The following CRISP2 variants were observed in gnomAD, a reference collection of about 807,000 sequenced individuals.
CRISP2 encodes the protein cysteine-rich secretory protein 2.
CRISP2 carries 29 observed loss-of-function variants against 31.7 expected under a neutral mutation model. The observed-to-expected ratio is 0.92, with a 90% confidence interval of 0.68 to 1.25. The LOEUF (loss-of-function observed/expected upper bound fraction) is 1.25. Among genes scored for constraint, CRISP2 ranks in the 50% most tolerant of loss-of-function variants. CRISP2 has a pLI of 0.00. For missense variants in CRISP2, 318 were observed against 286.5 expected (o/e 1.11, Z -0.79); for synonymous variants, 111 against 101.4 (o/e 1.09, Z -0.57).
intron 3 of CRISP2, 68 bp from the exon 4 acceptor site, chr6:49,709,273 C>T: frequency 2.3e-6 from 3 of 1,283,320 alleles, no homozygotes; most frequent in Non-Finnish European, 3.3e-6. Flanking sequence ...AGGGGGAATA[C>T]CAATATAATG....
chr6:49,683,542 T>C, the CRISP2 span, among the ~76,000 whole-genome samples: 1 of 149,182 alleles, frequency 6.7e-6, no homozygotes, highest in Admixed American at 6.7e-5. Flanking sequence ...CAGGCGCCTG[T>C]AATCCCAACT....
At chr6:49,698,020 A>C in intron 7 of CRISP2, 63 bp from the exon 8 acceptor site, 1 of 1,296,804 alleles carries the variant, frequency 7.7e-7, no homozygotes, top group Non-Finnish European at 1.1e-6. Flanking sequence ...AATATTTAAA[A>C]AAGTAGCAAA....
At chr6:49,703,099 G>A (rs538245247) in intron 4 of CRISP2, among the ~76,000 whole-genome samples, 1 of 152,090 alleles carries the variant, frequency 6.6e-6, no homozygotes, top group East Asian at 1.9e-4. Context: ...TTATGTTTTT[G>A]TTTGCTTTGT....
At chr6:49,688,880 T>C (rs577229537), downstream of CRISP2, among the ~76,000 whole-genome samples, 2 of 152,320 alleles carry the variant, frequency 1.3e-5, no homozygotes, top group Middle Eastern at 3.4e-3. Context: ...TTTTATTTTT[T>C]TGGGGGGGAC....
chr6:49,709,129 A>G lies in CRISP2; in HGVS notation c.66+2T>C, dbSNP rs764766322. The G allele has an allele frequency of 6.2e-7, 1 of 1,613,298 alleles. No individual in the cohort carries two copies. The highest frequency in any genetic ancestry group is 1.7e-5 in the Admixed American group (1 of 59,988). Reference sequence around the variant, plus strand: ...TGAAAAGATTTTCCATTTTAACCTTACCTTTCCTTCTGCAGGTAAAGATGG... The same window carrying G: ...TGAAAAGATTTTCCATTTTAACCTTGCCTTTCCTTCTGCAGGTAAAGATGG... On this transcript the variant is annotated splice_donor_variant, in intron 4 of 9. Coordinates refer to ENST00000339139, the MANE Select transcript of CRISP2 (RefSeq NM_003296.4). LOFTEE classifies it high-confidence loss of function.
intron 2 of CRISP2, among the ~76,000 whole-genome samples, chr6:49,711,633 G>A (rs1768026329): frequency 6.6e-6 from 1 of 152,120 alleles, no homozygotes; most frequent in South Asian, 2.1e-4. Flanking sequence ...GACAACCCAA[G>A]ACAGGTTAAC....
chr6:49,682,926 A>G, the CRISP2 span, among the ~76,000 whole-genome samples: 1 of 151,540 alleles, frequency 6.6e-6, no homozygotes, highest in African/African-American at 2.4e-5. Context: ...TGTGAGGCCG[A>G]AAAGGGGGGA....
chr6:49,678,977 C>T, the CRISP2 span, among the ~76,000 whole-genome samples: 1 of 152,132 alleles, frequency 6.6e-6, no homozygotes, highest in Non-Finnish European at 1.5e-5. Flanking sequence ...CACTTTGCCT[C>T]CCTATCACTA....
chr6:49,694,105 A>C (rs1764342349), intron 9 of CRISP2, among the ~76,000 whole-genome samples: 1 of 152,166 alleles, frequency 6.6e-6, no homozygotes, highest in Admixed American at 6.5e-5. Context: ...AATTTAAAGG[A>C]GCGAATAAGT....
the CRISP2 span, among the ~76,000 whole-genome samples, chr6:49,681,011 G>A: frequency 6.6e-6 from 1 of 152,104 alleles, no homozygotes. Flanking sequence ...GATCCCATTT[G>A]TTAATTTATG....
rs1431209508 is a variant in CRISP2, at chr6:49,712,543, T to C, written c.-89A>G. 1 of 152,118 alleles carries C rather than the reference T, an allele frequency of 6.6e-6. No homozygotes were observed. Among genetic ancestry groups the C allele is most frequent in the Non-Finnish European group, 1.5e-5 (1 of 68,020 alleles). The allele number at this position is 152,118 out of a possible 1,614,324, so 9.4% of individuals were successfully genotyped here. A position where few individuals can be genotyped will look rare whatever the true frequency, so the allele number is the denominator to read the frequency against. On this transcript the variant is annotated 5_prime_UTR_variant, in exon 2 of 10. An upstream open reading frame in the 5' UTR loses its in-frame stop. Coordinates refer to ENST00000339139, the MANE Select transcript of CRISP2 (RefSeq NM_003296.4). ...GCTCTTTCTTGCAGGTGTTTTAAGA[T>C]CAGGATGACATGGTTTTCCTAGAGT... is the stretch of plus-strand genomic sequence containing the variant.
At chr6:49,710,573 A>T (rs760117246) in intron 3 of CRISP2, among the ~76,000 whole-genome samples, 1 of 152,212 alleles carries the variant, frequency 6.6e-6, no homozygotes, top group Non-Finnish European at 1.5e-5. Flanking sequence ...TAGTAAAATC[A>T]TTAATATGCC....
chr6:49,684,450 T>A, the CRISP2 span, among the ~76,000 whole-genome samples: 1 of 152,200 alleles, frequency 6.6e-6, no homozygotes, highest in South Asian at 2.1e-4. Flanking sequence ...CAGTGGTTAG[T>A]TGAATCCATG....
chr6:49,700,743 C>T lies in CRISP2; in HGVS notation c.108G>A (p.Val36=), dbSNP rs1158074635. ...FTALLTTQLQ[V]QREIVNKHNE... ...TGTGTTTATTTACAATCTCCCTTTG[C>T]ACTTGCAACTGGGTGGTTAACAAAG... is the stretch of plus-strand genomic sequence containing the variant. Residue 36 remains valine (V), a synonymous_variant, in exon 5 of 10, where the codon GTG becomes GTA. Coordinates refer to ENST00000339139, the MANE Select transcript of CRISP2 (RefSeq NM_003296.4). 2 of 1,612,494 alleles carry T rather than the reference C, an allele frequency of 1.2e-6. No individual in the cohort carries two copies. Among genetic ancestry groups the T allele is most frequent in the African/African-American group, 2.7e-5 (2 of 74,922 alleles).
the CRISP2 span, among the ~76,000 whole-genome samples, chr6:49,681,557 C>A: frequency 4.6e-5 from 7 of 152,046 alleles, no homozygotes; most frequent in African/African-American, 1.7e-4. Flanking sequence ...ATTTATAAAA[C>A]AGAATCAATT....
At chr6:49,703,197 A>G (rs1766410372) in intron 4 of CRISP2, among the ~76,000 whole-genome samples, 1 of 152,072 alleles carries the variant, frequency 6.6e-6, no homozygotes, top group African/African-American at 2.4e-5. Flanking sequence ...TTATACCAGT[A>G]CCATGCTGTT....
At chr6:49,683,677 AAAAAAAAAAAAAAAAAAATAT>A in the CRISP2 span, among the ~76,000 whole-genome samples, 6 of 37,712 alleles carry the variant, frequency 1.6e-4, no homozygotes, top group African/African-American at 4.9e-4. Flanking sequence ...AAAAAAAAAA[AAAAAAAAAAAAAAAAAAATAT>A]ATATATATAT....
At chr6:49,690,056 T>A (rs1195301996), downstream of CRISP2, among the ~76,000 whole-genome samples, 2 of 152,192 alleles carry the variant, frequency 1.3e-5, no homozygotes, top group Non-Finnish European at 2.9e-5. Flanking sequence ...TGGAACATAG[T>A]TATGGATTTT....
At chr6:49,702,136 GTACTA>G (rs1343807930) in intron 4 of CRISP2, among the ~76,000 whole-genome samples, 9 of 346 alleles carry the variant, frequency 0.026, no homozygotes, top group Non-Finnish European at 0.036. Flanking sequence ...ATATATATGT[GTACTA>G]TATATATATA....
Sources: gnomAD v4.1 joint callset for allele counts (sites outside exome capture counted in the v4.1 genomes callset) on GRCh38, gnomAD v4.1.1 for gene constraint, MANE v1.5 for transcripts, NCBI Gene and HGNC (gene_info 2026-07-23, HGNC 2026-07-21) for gene names.